The following TRABD2B variants were observed in gnomAD, a reference collection of about 807,000 sequenced individuals.
The protein encoded by TRABD2B is metalloprotease TIKI2.
TRABD2B carries 14 observed loss-of-function variants against 40.1 expected under a neutral mutation model. The observed-to-expected ratio is 0.35, with a 90% CI of 0.23 to 0.55. The LOEUF is 0.55. Ranked by LOEUF, TRABD2B falls within the 20% of genes least tolerant of loss-of-function variation. The pLI is 0.90. For synonymous variants in TRABD2B, 263 were observed against 277.0 expected (o/e 0.95, Z 0.50); for missense variants, 541 against 648.6 (o/e 0.83, Z 1.80).
intron 2 of TRABD2B, among the ~76,000 whole-genome samples, chr1:47,867,310 G>A (rs916974196): frequency 3.9e-5 from 6 of 152,230 alleles, no homozygotes; most frequent in Non-Finnish European, 7.3e-5. Flanking sequence ...GGAGCTGGTG[G>A]TGGTAGGAAG....
intron 2 of TRABD2B, among the ~76,000 whole-genome samples, chr1:47,864,947 G>T (rs1644033362): frequency 7.3e-6 from 1 of 136,450 alleles, no homozygotes; most frequent in African/African-American, 2.7e-5. Context: ...GCCCCTGACT[G>T]CCCTCTGCCC....
At chr1:47,852,397 C>T (rs1188735650) in intron 2 of TRABD2B, among the ~76,000 whole-genome samples, 1 of 152,196 alleles carries the variant, frequency 6.6e-6, no homozygotes, top group African/African-American at 2.4e-5. Context: ...TTTCTGCCTC[C>T]CCCACTTCCT....
At chr1:47,770,576 G>A (rs1644365108) in intron 6 of TRABD2B, among the ~76,000 whole-genome samples, 1 of 152,232 alleles carries the variant, frequency 6.6e-6, no homozygotes, top group Non-Finnish European at 1.5e-5. Flanking sequence ...GCCCAGAGAG[G>A]AAACGGGACT....
intron 2 of TRABD2B, among the ~76,000 whole-genome samples, chr1:47,870,630 C>T (rs2124588977): frequency 6.6e-6 from 1 of 152,312 alleles, no homozygotes; most frequent in South Asian, 2.1e-4. Flanking sequence ...CTGCCTCAGG[C>T]CTTGTGCTTG....
At chr1:47,981,987 C>G (rs1403691297) in intron 2 of TRABD2B, among the ~76,000 whole-genome samples, 1 of 152,216 alleles carries the variant, frequency 6.6e-6, no homozygotes, top group Non-Finnish European at 1.5e-5. Flanking sequence ...GCTGGGGACT[C>G]CAGCCTAAAC....
chr1:47,964,839 C>T (rs1330633073), intron 2 of TRABD2B, among the ~76,000 whole-genome samples: 3 of 152,010 alleles, frequency 2.0e-5, no homozygotes, highest in South Asian at 2.1e-4. Flanking sequence ...AACAATGTAC[C>T]GGCCAGGCAC....
chr1:47,874,691 C>G (rs956470286), intron 2 of TRABD2B, among the ~76,000 whole-genome samples: 4 of 151,750 alleles, frequency 2.6e-5, no homozygotes, highest in African/African-American at 9.7e-5. Flanking sequence ...CCTCAGCCTC[C>G]TGAGTAGTTG....
chr1:47,803,390 G>A (rs1440276121), intron 2 of TRABD2B, among the ~76,000 whole-genome samples: 1 of 152,182 alleles, frequency 6.6e-6, no homozygotes, highest in Non-Finnish European at 1.5e-5. Flanking sequence ...TGCTGCTGCT[G>A]TCTGCACCTC....
At chr1:47,961,475 C>T (rs191955345) in intron 2 of TRABD2B, among the ~76,000 whole-genome samples, 209 of 152,256 alleles carry the variant, frequency 1.4e-3, no homozygotes, top group African/African-American at 4.7e-3. Context: ...TGACACAGGG[C>T]TAATATCCAG....
intron 2 of TRABD2B, among the ~76,000 whole-genome samples, chr1:47,865,378 C>A (rs1644040853): frequency 6.6e-6 from 1 of 151,984 alleles, no homozygotes; most frequent in South Asian, 2.1e-4. Context: ...TCTCGCAGTA[C>A]TGATTTATAG....
At chr1:47,895,344 C>G (rs1644502814) in intron 2 of TRABD2B, among the ~76,000 whole-genome samples, 1 of 152,188 alleles carries the variant, frequency 6.6e-6, no homozygotes, top group African/African-American at 2.4e-5. Flanking sequence ...TGTGTGAGCA[C>G]TGAGCGAGCT....
intron 2 of TRABD2B, among the ~76,000 whole-genome samples, chr1:47,840,777 G>A (rs967594342): frequency 6.6e-6 from 1 of 152,156 alleles, no homozygotes; most frequent in Non-Finnish European, 1.5e-5. Flanking sequence ...ATCAACTTGG[G>A]GCGTGATGAC....
At chr1:47,922,079 C>T (rs1368277747) in intron 2 of TRABD2B, among the ~76,000 whole-genome samples, 1 of 152,214 alleles carries the variant, frequency 6.6e-6, no homozygotes. Context: ...CACGCCATTT[C>T]TGCCATCTGT....
At chr1:47,959,972 C>T (rs540796781) in intron 2 of TRABD2B, among the ~76,000 whole-genome samples, 1 of 152,278 alleles carries the variant, frequency 6.6e-6, no homozygotes, top group East Asian at 1.9e-4. Flanking sequence ...CAATAAAATA[C>T]TGGCAAACCG....
intron 2 of TRABD2B, among the ~76,000 whole-genome samples, chr1:47,831,332 C>T (rs1553156043): frequency 6.6e-6 from 1 of 152,108 alleles, no homozygotes; most frequent in Admixed American, 6.5e-5. Context: ...AAAAGGTCAG[C>T]GTGAATAACA....
chr1:47,854,183 G>A (rs1643867635), intron 2 of TRABD2B, among the ~76,000 whole-genome samples: 1 of 152,214 alleles, frequency 6.6e-6, no homozygotes, highest in Non-Finnish European at 1.5e-5. Context: ...GGTCTCCTGG[G>A]TTTGAAACTA....
chr1:47,829,320 G>T (rs974252693), intron 2 of TRABD2B, among the ~76,000 whole-genome samples: 2 of 152,072 alleles, frequency 1.3e-5, no homozygotes, highest in Non-Finnish European at 2.9e-5. Context: ...CCACTCCCCT[G>T]GGAGAGGGGC....
chr1:47,867,759 G>A (rs758088539), intron 2 of TRABD2B, among the ~76,000 whole-genome samples: 16 of 152,258 alleles, frequency 1.1e-4, no homozygotes, highest in African/African-American at 2.4e-4. Flanking sequence ...CTGGAAATAC[G>A]TGGGAAACAA....
intron 2 of TRABD2B, among the ~76,000 whole-genome samples, chr1:47,831,769 C>T (rs1357448824): frequency 2.0e-5 from 3 of 152,188 alleles, no homozygotes; most frequent in Admixed American, 2.0e-4. Flanking sequence ...GTGTAGTTCC[C>T]ACCCACAGCT....
Sources: gnomAD v4.1 joint callset for allele counts (sites outside exome capture counted in the v4.1 genomes callset) on GRCh38, gnomAD v4.1.1 for gene constraint, MANE v1.5 for transcripts, NCBI Gene and HGNC (gene_info 2026-07-23, HGNC 2026-07-21) for gene names.